CERS3: variants seen among roughly 807,000 people sequenced by gnomAD.
CERS3 encodes the protein LAG1 homolog, ceramide synthase 3.
A neutral mutation model predicts 50.3 loss-of-function variants in CERS3; 33 were observed. That is an observed-to-expected ratio of 0.66 (90% CI 0.50 to 0.88). The LOEUF is 0.88. Ranked by LOEUF, CERS3 falls within the 40% of genes least tolerant of loss-of-function variation. The pLI is 0.00. For missense variants in CERS3, 470 were observed against 460.3 expected (o/e 1.02, Z -0.19); for synonymous variants, 176 against 155.2 (o/e 1.13, Z -0.99).
chr15:100,529,666 C>A (rs73475790), upstream of CERS3, among the ~76,000 whole-genome samples: 1,417 of 152,160 alleles, frequency 9.3e-3, 26 homozygotes, highest in African/African-American at 0.032. Context: ...AGATATTGTA[C>A]CTTTGAAGCC....
intron 7 of CERS3, among the ~76,000 whole-genome samples, chr15:100,477,003 C>T (rs888841736): frequency 3.3e-5 from 5 of 152,194 alleles, no homozygotes; most frequent in South Asian, 2.1e-4. Flanking sequence ...CTATGAATGA[C>T]GTCACCATAG....
chr15:100,428,640 C>T (rs1012458458), intron 11 of CERS3, among the ~76,000 whole-genome samples: 1 of 152,218 alleles, frequency 6.6e-6, no homozygotes, highest in Non-Finnish European at 1.5e-5. Flanking sequence ...AGTTGAGAAC[C>T]ACCAGTTCAA....
At chr15:100,539,129 C>T (rs1304800763) in intron 1 of CERS3, among the ~76,000 whole-genome samples, 1 of 152,202 alleles carries the variant, frequency 6.6e-6, no homozygotes, top group Non-Finnish European at 1.5e-5. Context: ...CAAGAAGTTC[C>T]TTATCTCCAT....
intron 4 of CERS3, among the ~76,000 whole-genome samples, chr15:100,484,908 A>G (rs899290562): frequency 2.0e-5 from 3 of 152,236 alleles, no homozygotes; most frequent in African/African-American, 7.2e-5. Context: ...TCAATTCTCC[A>G]TACGCTGGCA....
intron 10 of CERS3, among the ~76,000 whole-genome samples, chr15:100,456,270 A>C (rs2034370657): frequency 6.6e-6 from 1 of 152,356 alleles, no homozygotes; most frequent in East Asian, 1.9e-4. Flanking sequence ...TTAAAGAAAC[A>C]GCATTTTTAT....
intron 1 of CERS3, among the ~76,000 whole-genome samples, chr15:100,538,303 C>T (rs1275275460): frequency 6.6e-6 from 1 of 152,208 alleles, no homozygotes; most frequent in Non-Finnish European, 1.5e-5. Context: ...CTCACAGCTC[C>T]ACTAGGCAAT....
chr15:100,419,498 C>G (rs1270832374), intron 11 of CERS3, among the ~76,000 whole-genome samples: 3 of 141,508 alleles, frequency 2.1e-5, no homozygotes, highest in Non-Finnish European at 4.6e-5. Context: ...CTTTAATACC[C>G]CACTGTCAAC....
At chr15:100,541,343 A>G (rs1246896445) in intron 1 of CERS3, among the ~76,000 whole-genome samples, 1 of 152,156 alleles carries the variant, frequency 6.6e-6, no homozygotes, top group Non-Finnish European at 1.5e-5. Flanking sequence ...GTGATGGCGC[A>G]TGCCTGTAAT....
chr15:100,462,831 ACAGT>A (rs1361872957), intron 10 of CERS3, among the ~76,000 whole-genome samples: 2 of 152,192 alleles, frequency 1.3e-5, no homozygotes, highest in African/African-American at 4.8e-5. Context: ...GGATCCCCAC[ACAGT>A]CAGGGGGAAA....
At chr15:100,496,629 A>C (rs1391545483) in intron 3 of CERS3, among the ~76,000 whole-genome samples, 1 of 152,196 alleles carries the variant, frequency 6.6e-6, no homozygotes, top group Non-Finnish European at 1.5e-5. Context: ...ATTTGTCAAA[A>C]TGCATCAAAT....
At chr15:100,436,164 C>T (rs540424066) in intron 11 of CERS3, among the ~76,000 whole-genome samples, 2 of 152,174 alleles carry the variant, frequency 1.3e-5, no homozygotes, top group Non-Finnish European at 2.9e-5. Flanking sequence ...TATAAAGACA[C>T]ATGCATACAT....
intron 1 of CERS3, among the ~76,000 whole-genome samples, chr15:100,522,299 T>C (rs375199480): frequency 7.9e-5 from 12 of 152,324 alleles, no homozygotes; most frequent in African/African-American, 2.6e-4. Context: ...TGTGAATTCC[T>C]TGGGAGAGAT....
chr15:100,512,138 G>T (rs1469141146), intron 2 of CERS3, among the ~76,000 whole-genome samples: 1 of 151,664 alleles, frequency 6.6e-6, no homozygotes, highest in African/African-American at 2.4e-5. Context: ...ATGAGTCTTT[G>T]CTCTTCTTAC....
At chr15:100,536,570 C>T (rs1045529517) in intron 1 of CERS3, among the ~76,000 whole-genome samples, 1 of 152,194 alleles carries the variant, frequency 6.6e-6, no homozygotes, top group African/African-American at 2.4e-5. Context: ...CAGGCATGAG[C>T]CAGCATGACT....
Position 100,522,954 on chromosome 15 carries a change from T to G in CERS3, c.-91-1198A>C, listed in dbSNP as rs1360933756. 2.0e-5 allele frequency among the ~76,000 whole-genome samples: 3 copies of G among 152,214 alleles called. No individual in the cohort carries two copies. The East Asian group carries it at 5.8e-4, about 29-fold the overall frequency. On this transcript the variant is annotated intron_variant, in intron 1 of 11. Transcript: ENST00000679737. ...TATTTACACTCCTCCCAGTGACGTA[T>G]GAGAGTTCCAGTGGTTTAATATCCT...
chr15:100,407,638 G>C (rs1335238583), intron 11 of CERS3, among the ~76,000 whole-genome samples: 1 of 152,118 alleles, frequency 6.6e-6, no homozygotes, highest in Non-Finnish European at 1.5e-5. Flanking sequence ...CTCCATATCT[G>C]TGGGTTCCAC....
chr15:100,413,722 T>C (rs1173620739), intron 11 of CERS3, among the ~76,000 whole-genome samples: 2 of 150,242 alleles, frequency 1.3e-5, no homozygotes. Flanking sequence ...GAAAAATAGG[T>C]TGGCAGCATC....
At chr15:100,460,975 A>C (rs2034530521) in intron 10 of CERS3, among the ~76,000 whole-genome samples, 1 of 152,186 alleles carries the variant, frequency 6.6e-6, no homozygotes, top group Admixed American at 6.5e-5. Context: ...CTAAAAGAAG[A>C]CCAGTGTGGC....
At chr15:100,517,566 T>C (rs2036526382) in intron 2 of CERS3, among the ~76,000 whole-genome samples, 1 of 152,148 alleles carries the variant, frequency 6.6e-6, no homozygotes, top group Non-Finnish European at 1.5e-5. Context: ...ATTTGGAACA[T>C]CTCTCTGTTG....
Sources: gnomAD v4.1 joint callset for allele counts (sites outside exome capture counted in the v4.1 genomes callset) on GRCh38, gnomAD v4.1.1 for gene constraint, MANE v1.5 for transcripts, NCBI Gene and HGNC (gene_info 2026-07-23, HGNC 2026-07-21) for gene names.